The following TNNI3K variants were observed in gnomAD, a reference collection of about 807,000 sequenced individuals.
The protein encoded by TNNI3K is serine/threonine-protein kinase TNNI3K.
Under a neutral mutation model 114.5 loss-of-function variants are expected in TNNI3K, and 140 were observed. The observed-to-expected ratio is 1.22, with a 90% CI of 1.07 to 1.41. TNNI3K has a LOEUF of 1.41. Ranked by LOEUF, TNNI3K falls within the 40% of genes most tolerant of loss-of-function variation. TNNI3K has a pLI of 0.00. For missense variants in TNNI3K, 1,125 were observed against 1,007.6 expected (o/e 1.12, Z -1.58); for synonymous variants, 347 against 347.5 (o/e 1.00, Z 0.02).
In TNNI3K at chr1:74,324,272, G is replaced by T. The variant is rs191734663; in HGVS notation, c.445-7178G>T. ...TGTCCAGTATTTTCCTACAAGGAGGGTCACTCTTTAGGAGAGCCCTGACTT... is the reference window on the plus strand; with the variant it reads ...TGTCCAGTATTTTCCTACAAGGAGGTTCACTCTTTAGGAGAGCCCTGACTT... On this transcript the variant is annotated intron_variant, in intron 5 of 24. Coordinates refer to ENST00000326637, the MANE Select transcript of TNNI3K (RefSeq NM_015978.3). Among the ~76,000 whole-genome samples the T allele has an allele frequency of 2.6e-5, 4 of 152,288 alleles. No individual in the cohort carries two copies. The East Asian group carries it at 7.7e-4, about 29-fold the overall frequency.
chr1:74,448,206 C>A (rs1570633411), intron 20 of TNNI3K, among the ~76,000 whole-genome samples: 2 of 96,556 alleles, frequency 2.1e-5, no homozygotes, highest in African/African-American at 4.5e-5. Context: ...CACATGTATA[C>A]ATATGTAACT....
chr1:74,524,905 A>G (rs1057380418), intron 23 of TNNI3K, among the ~76,000 whole-genome samples: 9 of 152,200 alleles, frequency 5.9e-5, no homozygotes, highest in African/African-American at 2.2e-4. Flanking sequence ...GATTGTTTCT[A>G]AAAGGATTGC....
Position 74,253,521 on chromosome 1 carries a change from G to A in TNNI3K, c.333+2752G>A, listed in dbSNP as rs562075585. ...CAGCTATGGCCTGCTGAGAAATGGA[G>A]CACAGCGCCAGTGGGCCGGCACTGC... On this transcript the variant is annotated intron_variant, in intron 4 of 24. Transcript: ENST00000326637. Among the ~76,000 whole-genome samples the A allele has an allele frequency of 1.2e-4, 18 of 152,290 alleles. No individual in the cohort carries two copies. In the South Asian group the frequency reaches 3.5e-3, roughly 30 times the overall value.
intron 9 of TNNI3K, among the ~76,000 whole-genome samples, chr1:74,351,920 C>G (rs926407947): frequency 6.6e-6 from 1 of 152,082 alleles, no homozygotes; most frequent in African/African-American, 2.4e-5. Context: ...TGAACTTCCT[C>G]CTTTAGCTGG....
chr1:74,315,130 A>G (rs1659237257), intron 5 of TNNI3K, among the ~76,000 whole-genome samples: 1 of 152,162 alleles, frequency 6.6e-6, no homozygotes, highest in African/African-American at 2.4e-5. Context: ...TTATTCATGG[A>G]CAGAAATTAG....
chr1:74,477,281 C>A (rs752542305), intron 21 of TNNI3K, among the ~76,000 whole-genome samples: 10 of 152,232 alleles, frequency 6.6e-5, no homozygotes, highest in Non-Finnish European at 1.2e-4. Flanking sequence ...TCCTCTAACA[C>A]TTATTTTTTT....
At chr1:74,403,326 C>T (rs894677862) in intron 17 of TNNI3K, among the ~76,000 whole-genome samples, 34 of 152,210 alleles carry the variant, frequency 2.2e-4, no homozygotes, top group East Asian at 5.8e-4. Flanking sequence ...AAAAATCTCA[C>T]GGTACATCCT....
chr1:74,456,630 C>T (rs1389491903), intron 20 of TNNI3K, among the ~76,000 whole-genome samples: 1 of 152,156 alleles, frequency 6.6e-6, no homozygotes, highest in Non-Finnish European at 1.5e-5. Context: ...AAATTATAGT[C>T]TGGGCCCAAA....
At chr1:74,281,443 T>C (rs1657010973) in intron 5 of TNNI3K, among the ~76,000 whole-genome samples, 1 of 152,052 alleles carries the variant, frequency 6.6e-6, no homozygotes, top group Non-Finnish European at 1.5e-5. Context: ...ATTTGTTCTG[T>C]TTTGTTTCTG....
chr1:74,534,772 C>T (rs1317817124), intron 23 of TNNI3K, among the ~76,000 whole-genome samples: 3 of 152,048 alleles, frequency 2.0e-5, no homozygotes, highest in Admixed American at 2.0e-4. Context: ...TCTGGATTTC[C>T]TAGTGCCAGC....
intron 11 of TNNI3K, among the ~76,000 whole-genome samples, chr1:74,363,206 TC>T (rs1557521464): frequency 6.6e-6 from 1 of 152,068 alleles, no homozygotes; most frequent in African/African-American, 2.4e-5. Flanking sequence ...TGGCCAAGTG[TC>T]CAGGAGCTGG....
intron 23 of TNNI3K, among the ~76,000 whole-genome samples, chr1:74,502,319 A>C (rs1451362922): frequency 6.6e-6 from 1 of 152,234 alleles, no homozygotes; most frequent in Non-Finnish European, 1.5e-5. Context: ...TGTGATGTAC[A>C]TGAACATAAT....
intron 11 of TNNI3K, among the ~76,000 whole-genome samples, chr1:74,361,049 GAT>G (rs1388606709): frequency 6.6e-6 from 1 of 152,044 alleles, no homozygotes; most frequent in Non-Finnish European, 1.5e-5. Context: ...CTGGTGAGTT[GAT>G]ATTCTAAGAA....
In TNNI3K at chr1:74,342,990, A is replaced by C. The variant is rs200118272; in HGVS notation, c.827+4A>C. On this transcript the variant is annotated splice_donor_region_variant and intron_variant, in intron 8 of 24. Transcript: ENST00000326637. ...ATGGAGATACCCCCTTACACCTGTG[A>C]GTATTATGTAGCATTCCATAGGTTC... 847 of 1,613,680 alleles carry C rather than the reference A, an allele frequency of 5.2e-4. 1 individual carries two copies. The highest frequency in any genetic ancestry group is 7.0e-4 in the Non-Finnish European group (828 of 1,179,848).
rs1327248867 is a variant in TNNI3K at position 74,271,630 on chromosome 1, C to T, written c.366C>T (p.His122=). The part of the protein sequence containing the change: ...DNAELITSLL[H]SGADIQQVGY... ...CAGAATTGATCACTTCTCTGCTTCACAGTGGAGCTGATATACAGCAGGTTG... is the reference window on the plus strand; with the variant it reads ...CAGAATTGATCACTTCTCTGCTTCATAGTGGAGCTGATATACAGCAGGTTG... Residue 122 remains histidine (H), a synonymous_variant, in exon 5 of 25, where the codon CAC becomes CAT. Transcript: ENST00000326637. 1.2e-6 allele frequency: 2 copies of T among 1,608,502 alleles called. No individual in the cohort carries two copies. The highest frequency in any genetic ancestry group is 8.5e-7 in the Non-Finnish European group (1 of 1,176,850).
At chr1:74,522,745 G>T (rs1267633226) in intron 23 of TNNI3K, among the ~76,000 whole-genome samples, 1 of 152,088 alleles carries the variant, frequency 6.6e-6, no homozygotes, top group Non-Finnish European at 1.5e-5. Context: ...TTGATCATTT[G>T]ATTCAAATCT....
intron 20 of TNNI3K, among the ~76,000 whole-genome samples, chr1:74,462,634 G>T (rs1322780623): frequency 6.6e-6 from 1 of 152,202 alleles, no homozygotes; most frequent in Non-Finnish European, 1.5e-5. Context: ...AGTTTATGTA[G>T]TTATCTACCA....
chr1:74,266,342 T>G (rs1332905527), intron 4 of TNNI3K, among the ~76,000 whole-genome samples: 1 of 152,006 alleles, frequency 6.6e-6, no homozygotes, highest in Admixed American at 6.6e-5. Flanking sequence ...TGACACAGGT[T>G]AGTCAGATTT....
chr1:74,290,165 T>A (rs1028068516), intron 5 of TNNI3K, among the ~76,000 whole-genome samples: 1 of 151,556 alleles, frequency 6.6e-6, no homozygotes, highest in African/African-American at 2.4e-5. Flanking sequence ...ATTAAAGAGA[T>A]GTATAGAATT....
Sources: gnomAD v4.1 joint callset for allele counts (sites outside exome capture counted in the v4.1 genomes callset) on GRCh38, gnomAD v4.1.1 for gene constraint, MANE v1.5 for transcripts, NCBI Gene and HGNC (gene_info 2026-07-23, HGNC 2026-07-21) for gene names.